HSP90AA1: variants seen among roughly 807,000 people sequenced by gnomAD.
The protein encoded by HSP90AA1 is heat shock protein 90 alpha family class A member 1, also known as heat shock protein HSP 90-alpha.
In HSP90AA1, 18 loss-of-function variants were observed where a neutral mutation model predicts 73.3. The ratio of observed to expected loss-of-function variants is 0.25; its 90% CI spans 0.17 to 0.36. HSP90AA1 has a LOEUF of 0.36. Among genes scored for constraint, HSP90AA1 ranks in the 10% least tolerant of loss-of-function variants. The pLI is 1.00. For missense variants in HSP90AA1, 704 were observed against 874.2 expected, an observed-to-expected ratio of 0.81 and a Z score of 2.45; for synonymous variants, 477 against 296.9, an observed-to-expected ratio of 1.61 and a Z score of -6.24.
exon 1 of HSP90AA1, chr14:102,139,403 A>C: frequency 1.3e-6 from 2 of 1,561,408 alleles, no homozygotes; most frequent in Non-Finnish European, 1.7e-6. Context: ...ACACGGGGGC[A>C]TCCGCGCTCC....
At chr14:102,087,613 C>G (rs2049278499), upstream of HSP90AA1, among the ~76,000 whole-genome samples, 1 of 152,186 alleles carries the variant, frequency 6.6e-6, no homozygotes, top group African/African-American at 2.4e-5. Flanking sequence ...CAAGCGGCGC[C>G]GGGATCGCGG....
intron 1 of HSP90AA1, among the ~76,000 whole-genome samples, chr14:102,113,301 G>A (rs1051061373): frequency 1.3e-5 from 2 of 152,074 alleles, no homozygotes; most frequent in African/African-American, 2.4e-5. Flanking sequence ...TGGGATTACA[G>A]GTGTGAGCCA....
chr14:102,134,458 A>C (rs2049954144), intron 1 of HSP90AA1, among the ~76,000 whole-genome samples: 1 of 152,030 alleles, frequency 6.6e-6, no homozygotes, highest in Non-Finnish European at 1.5e-5. Flanking sequence ...GGTCTCACTG[A>C]CTTCAAGAAT....
At chr14:102,108,744 C>A (rs1470110642) in intron 1 of HSP90AA1, among the ~76,000 whole-genome samples, 1 of 151,886 alleles carries the variant, frequency 6.6e-6, no homozygotes, top group Non-Finnish European at 1.5e-5. Context: ...ACCATGTTGG[C>A]CAGGTTGGTC....
At chr14:102,093,658 A>G (rs2049388253) in intron 2 of HSP90AA1, among the ~76,000 whole-genome samples, 1 of 152,092 alleles carries the variant, frequency 6.6e-6, no homozygotes, top group Non-Finnish European at 1.5e-5. Flanking sequence ...AAATCTCTCT[A>G]CAATAGGTGT....
intron 1 of HSP90AA1, among the ~76,000 whole-genome samples, chr14:102,119,513 G>A (rs764067080): frequency 4.0e-5 from 6 of 151,884 alleles, no homozygotes; most frequent in East Asian, 3.9e-4. Context: ...TTTTTGAGAC[G>A]GAGTCTCACT....
rs760492871 is a variant in HSP90AA1, at chr14:102,086,184, C to T, written c.162+33G>A. 3 of 1,614,090 alleles carry T rather than the reference C, an allele frequency of 1.9e-6. No individual in the cohort carries two copies. The South Asian group carries it at 3.3e-5, about 18-fold the overall frequency. On this transcript the variant is annotated intron_variant, in intron 2 of 10. Transcript: ENST00000216281. ...ACCCCCAAGAAGTTCACACTGAAAC[C>T]AAAATCCGATTCTGGGTTAATAAGT...
chr14:102,133,470 G>C (rs930642360), intron 1 of HSP90AA1, among the ~76,000 whole-genome samples: 13 of 145,484 alleles, frequency 8.9e-5, no homozygotes, highest in African/African-American at 2.8e-4. Context: ...GGTGAGAATG[G>C]GATTTAAACT....
intron 1 of HSP90AA1, among the ~76,000 whole-genome samples, chr14:102,136,567 C>CTAAA (rs1467442050): frequency 1.9e-5 from 1 of 53,244 alleles, no homozygotes. Context: ...AGACTCGTCT[C>CTAAA]AAAAAAAAAA....
chr14:102,116,507 TC>T, intron 1 of HSP90AA1, among the ~76,000 whole-genome samples: 1 of 152,280 alleles, frequency 6.6e-6, no homozygotes, highest in Non-Finnish European at 1.5e-5. Flanking sequence ...TCCCCTGTGC[TC>T]CACGTTCCCG....
intron 2 of HSP90AA1, among the ~76,000 whole-genome samples, chr14:102,096,712 G>A (rs2049429950): frequency 6.6e-6 from 1 of 152,178 alleles, no homozygotes; most frequent in South Asian, 2.1e-4. Flanking sequence ...CTTTCCAGCG[G>A]GACCAAATGG....
chr14:102,100,797 C>T (rs948181996), intron 2 of HSP90AA1, among the ~76,000 whole-genome samples: 1 of 152,200 alleles, frequency 6.6e-6, no homozygotes, highest in Non-Finnish European at 1.5e-5. Flanking sequence ...GTTTAAATCC[C>T]TGCTCTGCTA....
intron 1 of HSP90AA1, among the ~76,000 whole-genome samples, chr14:102,138,509 CTT>C (rs10715293): frequency 3.3e-5 from 5 of 151,124 alleles, no homozygotes; most frequent in African/African-American, 7.3e-5. Flanking sequence ...GCTTTTTTTT[CTT>C]TTTTTTTTCC....
intron 3 of HSP90AA1, 109 bp downstream of exon 3, chr14:102,085,643 CTGATCG>C: frequency 6.6e-7 from 1 of 1,511,760 alleles, no homozygotes; most frequent in Non-Finnish European, 9.2e-7. Flanking sequence ...TAGCTTGTTC[CTGATCG>C]TTGGGCAAAC....
chr14:102,100,379 G>A (rs1376656807), intron 2 of HSP90AA1, among the ~76,000 whole-genome samples: 4 of 151,442 alleles, frequency 2.6e-5, no homozygotes, highest in Non-Finnish European at 5.9e-5. Context: ...CAGCCTGGGC[G>A]ACAGAGTGAG....
In HSP90AA1 at chr14:102,081,692, A is replaced by T. The variant is rs2049102888; in HGVS notation, c.*20T>A. The T allele has an allele frequency of 2.1e-6, 2 of 965,710 alleles. No homozygotes were observed. The highest frequency in any genetic ancestry group is 2.6e-5 in the South Asian group (2 of 78,264). 59.8% of individuals were successfully genotyped at this position (965,710 alleles called of 1,614,324 possible). On this transcript the variant is annotated 3_prime_UTR_variant, in exon 11 of 11. Coordinates refer to ENST00000216281, the MANE Select transcript of HSP90AA1 (RefSeq NM_005348.4). ...GGAATTGTAGAGTACTGAACAGGTA[A>T]GTCATCCCTCAGCCAGAGATTAGTC... is the stretch of plus-strand genomic sequence containing the variant.
At chr14:102,133,004 G>A (rs1357535379) in intron 1 of HSP90AA1, among the ~76,000 whole-genome samples, 2 of 151,504 alleles carry the variant, frequency 1.3e-5, no homozygotes, top group African/African-American at 4.9e-5. Flanking sequence ...GGCGGGCTGG[G>A]CGCAGTGGCT....
intron 1 of HSP90AA1, among the ~76,000 whole-genome samples, chr14:102,106,118 G>T (rs1371557360): frequency 1.3e-5 from 2 of 152,074 alleles, no homozygotes; most frequent in African/African-American, 4.8e-5. Context: ...AAGGAGGAGA[G>T]AGTTCCGTGA....
chr14:102,135,491 C>CA (rs1359488191), intron 1 of HSP90AA1, among the ~76,000 whole-genome samples: 2 of 152,282 alleles, frequency 1.3e-5, no homozygotes, highest in Non-Finnish European at 2.9e-5. Flanking sequence ...AGCTGCCTGC[C>CA]AGTCCTGCGC....
Sources: allele counts gnomAD v4.1 joint callset (sites outside exome capture counted in the v4.1 genomes callset), GRCh38; gene constraint gnomAD v4.1.1; transcripts MANE v1.5; gene names NCBI Gene and HGNC (gene_info 2026-07-23, HGNC 2026-07-21).